The following PLEKHA5 variants were observed in gnomAD, a reference collection of about 807,000 sequenced individuals.
PLEKHA5 encodes pleckstrin homology domain-containing family A member 5.
A neutral mutation model predicts 181.9 loss-of-function variants in PLEKHA5; 55 were observed. The observed-to-expected ratio is 0.30, with a 90% CI of 0.24 to 0.38. The LOEUF (loss-of-function observed/expected upper bound fraction) is 0.38. Ranked by LOEUF, PLEKHA5 falls within the 10% of genes least tolerant of loss-of-function variation. The probability of loss-of-function intolerance (pLI) is 1.00; values close to 1 mark genes in which losing one functional copy is unlikely to be tolerated. For missense variants in PLEKHA5, 1,432 were observed against 1,549.5 expected, an observed-to-expected ratio of 0.92 and a Z score of 1.27; for synonymous variants, 535 against 529.4, an observed-to-expected ratio of 1.01 and a Z score of -0.15.
chr12:19,233,934 C>T (rs891153093), intron 3 of PLEKHA5, among the ~76,000 whole-genome samples: 3 of 152,136 alleles, frequency 2.0e-5, no homozygotes, highest in East Asian at 3.9e-4. Flanking sequence ...AGCATTGATC[C>T]GCAGTCTACC....
intron 22 of PLEKHA5, among the ~76,000 whole-genome samples, chr12:19,345,590 C>G (rs574583556): frequency 7.9e-5 from 12 of 151,808 alleles, no homozygotes; most frequent in African/African-American, 2.7e-4. Context: ...ACGGTGAAAC[C>G]CCATCTCTAC....
At chr12:19,200,363 GATGTA>G (rs1415724737) in intron 3 of PLEKHA5, 3 of 1,528,204 alleles carry the variant, frequency 2.0e-6, no homozygotes, top group East Asian at 4.9e-5. Context: ...GGGAATAGAA[GATGTA>G]ATGGAAGTTC....
At chr12:19,321,470 T>A (rs1466851842) in intron 18 of PLEKHA5, 1 of 150,088 alleles carries the variant, frequency 6.7e-6, no homozygotes, top group East Asian at 2.0e-4. Flanking sequence ...TTCAAGTGAT[T>A]CTTATGCCTC....
intron 3 of PLEKHA5, among the ~76,000 whole-genome samples, chr12:19,160,053 A>G (rs574678280): frequency 6.6e-6 from 1 of 152,154 alleles, no homozygotes; most frequent in African/African-American, 2.4e-5. Context: ...TATAGCTCTC[A>G]TTTTAGTTAA....
intron 30 of PLEKHA5, among the ~76,000 whole-genome samples, chr12:19,367,131 G>A (rs115038223): frequency 0.011 from 1,644 of 151,502 alleles, 38 homozygotes; most frequent in African/African-American, 0.038. Context: ...AGTGATCAGC[G>A]CGCCTCAACC....
chr12:19,215,156 G>A (rs1327569065), intron 3 of PLEKHA5, among the ~76,000 whole-genome samples: 1 of 151,602 alleles, frequency 6.6e-6, no homozygotes, highest in Admixed American at 6.6e-5. Context: ...CATCCTGGAA[G>A]ACAGAGTGAG....
In PLEKHA5 at chr12:19,274,967, G is replaced by A; in HGVS notation, c.1297G>A (p.Glu433Lys). The change falls in exon 11 of 32, where the codon GAA (glutamate) becomes AAA (lysine). Residue 433 changes from glutamate to lysine, a missense_variant. This residue lies in a region of PLEKHA5 where 1,143 missense variants were observed against 1,168.4 expected (regional missense o/e 0.98). Transcript: ENST00000429027. ...TAAAATCCAGAAGGGGAGGGGTCAT[G>A]AAGAAGAAACCAGGGGGTAAGTGTC... ...WIKIQKGRGH[E>K]EETRGVISYQ... The A allele has an allele frequency of 1.2e-6, 2 of 1,607,472 alleles. No homozygotes were observed. Among genetic ancestry groups the A allele is most frequent in the Non-Finnish European group, 1.7e-6 (2 of 1,178,540 alleles).
intron 3 of PLEKHA5, among the ~76,000 whole-genome samples, chr12:19,194,436 A>G (rs780177406): frequency 1.1e-4 from 16 of 152,314 alleles, no homozygotes; most frequent in South Asian, 4.2e-4. Flanking sequence ...GATATAATGA[A>G]TTCTTTTCCT....
chr12:19,355,454 G>A (rs1208613104), intron 26 of PLEKHA5, among the ~76,000 whole-genome samples: 2 of 150,578 alleles, frequency 1.3e-5, no homozygotes, highest in Admixed American at 1.3e-4. Flanking sequence ...TGGACTCAAG[G>A]GATCCTCTCA....
chr12:19,183,197 T>C (rs762493224), intron 3 of PLEKHA5, among the ~76,000 whole-genome samples: 1 of 152,198 alleles, frequency 6.6e-6, no homozygotes, highest in Non-Finnish European at 1.5e-5. Context: ...GGAAATATTA[T>C]TGTATTTTAC....
intron 1 of PLEKHA5, 78 bp downstream of exon 1, chr12:19,129,966 C>A: frequency 6.8e-7 from 1 of 1,468,524 alleles, no homozygotes; most frequent in Non-Finnish European, 9.3e-7. Context: ...CGGGGGAGAG[C>A]CCGGGTCTGT....
At chr12:19,338,997 C>T (rs2093668422) in intron 21 of PLEKHA5, among the ~76,000 whole-genome samples, 1 of 151,632 alleles carries the variant, frequency 6.6e-6, no homozygotes, top group Non-Finnish European at 1.5e-5. Flanking sequence ...TGTAAAAGGC[C>T]AGATCTGTCA....
chr12:19,202,977 G>C (rs1273461417), intron 3 of PLEKHA5, among the ~76,000 whole-genome samples: 2 of 152,224 alleles, frequency 1.3e-5, no homozygotes, highest in East Asian at 3.9e-4. Context: ...TACTGGGGTA[G>C]TATTTGGGAA....
intron 3 of PLEKHA5, among the ~76,000 whole-genome samples, chr12:19,202,380 A>G (rs2054389549): frequency 6.6e-6 from 1 of 152,116 alleles, no homozygotes; most frequent in Admixed American, 6.6e-5. Flanking sequence ...TCATCACCTT[A>G]AAACAAGACT....
chr12:19,265,148 T>C (rs1402641764), intron 7 of PLEKHA5, among the ~76,000 whole-genome samples: 2 of 152,220 alleles, frequency 1.3e-5, no homozygotes, highest in Non-Finnish European at 2.9e-5. Flanking sequence ...CAAATATGTA[T>C]TCACATGTCG....
intron 25 of PLEKHA5, among the ~76,000 whole-genome samples, chr12:19,351,351 A>G (rs539316767): frequency 6.6e-6 from 1 of 152,270 alleles, no homozygotes; most frequent in South Asian, 2.1e-4. Context: ...AGCCTGGGCA[A>G]CATAACCAGA....
intron 3 of PLEKHA5, chr12:19,236,922 C>T (rs1266458435): frequency 6.6e-6 from 1 of 152,200 alleles, no homozygotes. Context: ...TTCATCCCCA[C>T]AGTGCTCACT....
chr12:19,285,087 G>A (rs2076947016), intron 12 of PLEKHA5, among the ~76,000 whole-genome samples: 1 of 152,120 alleles, frequency 6.6e-6, no homozygotes, highest in Non-Finnish European at 1.5e-5. Context: ...GATTAATCAG[G>A]AATTTTCCTT....
At chr12:19,226,745 T>G (rs1565488911) in intron 3 of PLEKHA5, among the ~76,000 whole-genome samples, 1 of 152,220 alleles carries the variant, frequency 6.6e-6, no homozygotes, top group African/African-American at 2.4e-5. Flanking sequence ...TGTCTGATCT[T>G]CAGTCATCTG....
Sources: gnomAD v4.1 joint callset for allele counts (sites outside exome capture counted in the v4.1 genomes callset) on GRCh38, gnomAD v4.1.1 for gene constraint, gnomAD v4.1.1 regional missense constraint, MANE v1.5 for transcripts, NCBI Gene and HGNC (gene_info 2026-07-23, HGNC 2026-07-21) for gene names.